The following PHF11 variants were observed in gnomAD, a reference collection of about 807,000 sequenced individuals.
The protein encoded by PHF11 is BRCA1 C-terminus-associated protein.
PHF11 carries 38 observed loss-of-function variants against 40.5 expected under a neutral mutation model. The ratio of observed to expected loss-of-function variants is 0.94; its 90% CI spans 0.72 to 1.23. The LOEUF is 1.23. PHF11 is among the 50% of genes most tolerant of loss of function. PHF11 has a pLI of 0.00. For synonymous variants in PHF11, 127 were observed against 138.2 expected (o/e 0.92, Z 0.57); for missense variants, 369 against 392.4 (o/e 0.94, Z 0.50).
chr13:49,528,436 G>A, intron 9 of PHF11, 75 bp from the exon 10 acceptor site: 1 of 1,046,666 alleles, frequency 9.6e-7, no homozygotes, highest in Non-Finnish European at 1.4e-6. Flanking sequence ...GCAAGTGAAA[G>A]GGGCTAGAAA....
intron 3 of PHF11, among the ~76,000 whole-genome samples, chr13:49,516,216 A>G (rs543683110): frequency 6.7e-4 from 102 of 152,220 alleles, no homozygotes; most frequent in African/African-American, 2.3e-3. Context: ...TAACTTTGTG[A>G]GACGTTTTAA....
At chr13:49,520,127 A>C (rs933334558) in intron 4 of PHF11, among the ~76,000 whole-genome samples, 1 of 152,124 alleles carries the variant, frequency 6.6e-6, no homozygotes, top group Non-Finnish European at 1.5e-5. Flanking sequence ...AGCTCACTGC[A>C]ACTTCCAGCC....
chr13:49,497,149 C>T, intron 1 of PHF11: 1 of 1,288,584 alleles, frequency 7.8e-7, no homozygotes, highest in Non-Finnish European at 1.0e-6. Context: ...CACACGTAAA[C>T]ATCATACGTG....
At chr13:49,511,413 G>A (rs112866922) in intron 2 of PHF11, among the ~76,000 whole-genome samples, 2,931 of 140,674 alleles carry the variant, frequency 0.021, 44 homozygotes, top group South Asian at 0.066. Context: ...TGCACCCTCC[G>A]CCTCACAGGT....
intron 1 of PHF11, chr13:49,496,427 C>T (rs1008134968): frequency 4.7e-6 from 5 of 1,068,188 alleles, no homozygotes; most frequent in Middle Eastern, 4.2e-4. Flanking sequence ...TGTCAACTCT[C>T]CTAGCGCCCC....
intron 8 of PHF11, 102 bp downstream of exon 8, chr13:49,524,318 A>G: frequency 2.1e-6 from 2 of 931,320 alleles, no homozygotes; most frequent in African/African-American, 1.7e-5. Context: ...TTTTCTTCCT[A>G]TACTACTTTT....
chr13:49,516,440 T>G (rs1287235917), intron 3 of PHF11, among the ~76,000 whole-genome samples: 1 of 150,782 alleles, frequency 6.6e-6, no homozygotes, highest in Non-Finnish European at 1.5e-5. Flanking sequence ...CTTCTGTAAT[T>G]TGCCAGTTAC....
Position 49,496,278 on chromosome 13 carries a change from G to C in PHF11, c.94+183G>C, listed in dbSNP as rs958564946. 2.6e-5 allele frequency: 18 copies of C among 683,126 alleles called. 1 individual carries two copies. The African/African-American group carries it at 3.0e-4, about 11-fold the overall frequency. 42.3% of individuals were successfully genotyped at this position (683,126 alleles called of 1,614,324 possible). A position where few individuals can be genotyped will look rare whatever the true frequency, so the allele number is the denominator to read the frequency against. Reference sequence around the variant, plus strand: ...TCACCACTCGCGTGCCTGTTGGTGGGGGAGGGGGCCAGAGGACAGGGCGCG... The same window carrying C: ...TCACCACTCGCGTGCCTGTTGGTGGCGGAGGGGGCCAGAGGACAGGGCGCG... On this transcript the variant is annotated intron_variant, in intron 1 of 9. Transcript: ENST00000378319.
chr13:49,513,456 G>A (rs571948252), intron 3 of PHF11, among the ~76,000 whole-genome samples: 21 of 150,650 alleles, frequency 1.4e-4, no homozygotes, highest in East Asian at 7.8e-4. Context: ...TCAGCCTCCC[G>A]AGTAGCTAGG....
At chr13:49,515,453 TATACACACACACACACACACACAC>T (rs893389438) in intron 3 of PHF11, among the ~76,000 whole-genome samples, 4 of 98,830 alleles carry the variant, frequency 4.0e-5, no homozygotes, top group African/African-American at 1.7e-4. Flanking sequence ...TTCCATCTCC[TATACACACACACACACACACACAC>T]ACACACACAC....
intron 1 of PHF11, among the ~76,000 whole-genome samples, chr13:49,504,929 T>C (rs1417266848): frequency 1.0e-4 from 15 of 149,434 alleles, no homozygotes; most frequent in African/African-American, 3.2e-4. Context: ...AACCCTGTGC[T>C]CTCTGAAACA....
chr13:49,521,571 G>A (rs753692316), intron 5 of PHF11: 28 of 733,372 alleles, frequency 3.8e-5, no homozygotes, highest in Admixed American at 6.2e-5. Context: ...CAGCAGGAAA[G>A]GCTATTACAG....
chr13:49,523,217 AAAG>A lies in PHF11; in HGVS notation c.618_620del (p.Glu207del). 6.2e-7 allele frequency: 1 copy of A among 1,612,318 alleles called. No individual in the cohort carries two copies. The highest frequency in any genetic ancestry group is 1.7e-5 in the Admixed American group (1 of 60,032). On this transcript the variant is annotated inframe_deletion, in exon 7 of 10. Coordinates refer to ENST00000378319, the MANE Select transcript of PHF11 (RefSeq NM_001040443.3). ...ATGTAATACATTCATAAGACAAGTGAAAGAAGAGCATGGCAGACACACAGGTTT... is the reference window on the plus strand; with the variant it reads ...ATGTAATACATTCATAAGACAAGTGAAAGAGCATGGCAGACACACAGGTTT...
chr13:49,523,054 C>T (rs970812680), intron 6 of PHF11, 121 bp from the exon 7 acceptor site: 12 of 754,722 alleles, frequency 1.6e-5, no homozygotes, highest in South Asian at 5.9e-5. Flanking sequence ...TGAGACACCG[C>T]GCCCAGCCAG....
chr13:49,522,711 TACAAA>T (rs1448896672), intron 6 of PHF11, among the ~76,000 whole-genome samples: 1 of 150,850 alleles, frequency 6.6e-6, no homozygotes, highest in Non-Finnish European at 1.5e-5. Context: ...TGTTTTATAA[TACAAA>T]ACAAAAATAT....
At chr13:49,504,728 T>C (rs1393298050) in intron 1 of PHF11, among the ~76,000 whole-genome samples, 4 of 151,736 alleles carry the variant, frequency 2.6e-5, no homozygotes, top group African/African-American at 9.7e-5. Context: ...CAACAGCTCA[T>C]TGAGAACGGG....
chr13:49,500,311 T>C (rs1958882325), intron 1 of PHF11, among the ~76,000 whole-genome samples: 1 of 152,196 alleles, frequency 6.6e-6, no homozygotes, highest in Non-Finnish European at 1.5e-5. Context: ...GGCTCTTCCC[T>C]AAAATACCTC....
At chr13:49,510,201 C>T (rs79265802) in intron 2 of PHF11, among the ~76,000 whole-genome samples, 6,962 of 152,050 alleles carry the variant, frequency 0.046, 538 homozygotes, top group African/African-American at 0.16. Flanking sequence ...ATGTTTTGTA[C>T]TTTTTGTAGA....
chr13:49,498,333 CAT>C (rs1404201607), intron 1 of PHF11, among the ~76,000 whole-genome samples: 2 of 152,182 alleles, frequency 1.3e-5, no homozygotes, highest in African/African-American at 2.4e-5. Flanking sequence ...CTGACAGTAA[CAT>C]AGTACATTTC....
Sources: allele counts gnomAD v4.1 joint callset (sites outside exome capture counted in the v4.1 genomes callset), GRCh38; gene constraint gnomAD v4.1.1; transcripts MANE v1.5; gene names NCBI Gene and HGNC (gene_info 2026-07-23, HGNC 2026-07-21).